SLC7A1: variants seen among roughly 807,000 people sequenced by gnomAD.
SLC7A1 encodes the protein solute carrier family 7 member 1.
In SLC7A1, 10 loss-of-function variants were observed where a neutral mutation model predicts 53.9. The observed-to-expected ratio is 0.19, with a 90% CI of 0.11 to 0.31. The LOEUF is 0.31. Ranked by LOEUF, SLC7A1 falls within the 10% of genes least tolerant of loss-of-function variation. The pLI is 1.00. For synonymous variants in SLC7A1, 342 were observed against 338.7 expected (o/e 1.01, Z -0.11); for missense variants, 525 against 827.2 (o/e 0.63, Z 4.48).
At chr13:29,561,368 G>A (rs919350574) in intron 1 of SLC7A1, among the ~76,000 whole-genome samples, 3 of 152,136 alleles carry the variant, frequency 2.0e-5, no homozygotes, top group East Asian at 3.9e-4. Context: ...TCAAGGCAGT[G>A]GGGAGAACTC....
intron 1 of SLC7A1, among the ~76,000 whole-genome samples, chr13:29,569,609 T>C (rs1013611665): frequency 1.3e-5 from 2 of 152,176 alleles, no homozygotes; most frequent in African/African-American, 4.8e-5. Context: ...ACCAGATTAA[T>C]CACCACTAGC....
chr13:29,577,053 C>T (rs1871441872), intron 1 of SLC7A1, among the ~76,000 whole-genome samples: 1 of 152,208 alleles, frequency 6.6e-6, no homozygotes, highest in African/African-American at 2.4e-5. Context: ...TTACAAATTG[C>T]TTTATCCAGA....
chr13:29,573,513 C>G (rs1184189159), intron 1 of SLC7A1, among the ~76,000 whole-genome samples: 2 of 152,208 alleles, frequency 1.3e-5, no homozygotes, highest in African/African-American at 4.8e-5. Flanking sequence ...GTGTCTGACT[C>G]TGTGTGTCTG....
intron 2 of SLC7A1, among the ~76,000 whole-genome samples, chr13:29,542,716 C>A (rs1869722201): frequency 6.6e-6 from 1 of 151,240 alleles, no homozygotes; most frequent in Admixed American, 6.6e-5. Flanking sequence ...GCTCCACGAC[C>A]ATAAGAAAAT....
chr13:29,536,121 C>T lies in SLC7A1; in HGVS notation c.68G>A (p.Arg23Gln), dbSNP rs200608225. ...MLRRKVVDCS[R>Q]EETRLSRCLN... ...GCAGCGAGACAGCCGCGTCTCCTCC[C>T]GGCTACAGTCCACCACCTTCCGCCG... is the stretch of plus-strand genomic sequence containing the variant. Residue 23 changes from arginine to glutamine, a missense_variant, in exon 3 of 13, where the codon CGG becomes CAG. Coordinates refer to ENST00000380752, the MANE Select transcript of SLC7A1 (RefSeq NM_003045.5). The T allele has an allele frequency of 2.7e-5, 44 of 1,614,020 alleles. No individual in the cohort carries two copies. The highest frequency in any genetic ancestry group is 3.3e-5 in the South Asian group (3 of 91,076).
chr13:29,572,870 A>T (rs1420037014), intron 1 of SLC7A1, among the ~76,000 whole-genome samples: 1 of 152,200 alleles, frequency 6.6e-6, no homozygotes, highest in Non-Finnish European at 1.5e-5. Flanking sequence ...CCAACTCAAC[A>T]TGGTAATCAA....
At chr13:29,544,877 G>T (rs1028621232) in intron 2 of SLC7A1, among the ~76,000 whole-genome samples, 6 of 150,646 alleles carry the variant, frequency 4.0e-5, no homozygotes, top group Non-Finnish European at 8.9e-5. Flanking sequence ...CGGGGGGGGG[G>T]GGCAAGCTCT....
At chr13:29,538,143 C>T (rs1444197599) in intron 2 of SLC7A1, among the ~76,000 whole-genome samples, 3 of 152,192 alleles carry the variant, frequency 2.0e-5, no homozygotes, top group Admixed American at 1.3e-4. Context: ...GATCCTATCC[C>T]TTTGTTACAT....
chr13:29,542,401 G>A (rs1869706194), intron 2 of SLC7A1, among the ~76,000 whole-genome samples: 1 of 152,144 alleles, frequency 6.6e-6, no homozygotes, highest in South Asian at 2.1e-4. Context: ...GTTACAGTGA[G>A]CCGAGATCAC....
rs1593543027 is a variant in SLC7A1 at position 29,524,342 on chromosome 13, C to A, written c.705-89G>T. 4.6e-6 allele frequency: 7 copies of A among 1,535,796 alleles called. No individual in the cohort carries two copies. In the South Asian group the frequency reaches 7.3e-5, roughly 16 times the overall value. ...TGCTCATCTCCTGATATGAGCGGAA[C>A]CTGGCAGTCAGCCCTCCCTGTTACC... On this transcript the variant is annotated intron_variant, in intron 5 of 12. Coordinates refer to ENST00000380752, the MANE Select transcript of SLC7A1 (RefSeq NM_003045.5).
intron 1 of SLC7A1, among the ~76,000 whole-genome samples, chr13:29,576,046 C>T (rs949442650): frequency 3.3e-5 from 5 of 151,472 alleles, no homozygotes; most frequent in Admixed American, 2.6e-4. Context: ...CTAGCACTCT[C>T]GGAGGCTGAA....
intron 2 of SLC7A1, among the ~76,000 whole-genome samples, chr13:29,544,657 C>G (rs1454430839): frequency 6.6e-6 from 1 of 152,152 alleles, no homozygotes; most frequent in Non-Finnish European, 1.5e-5. Flanking sequence ...CAAGGAACGT[C>G]CCCAAGGGCA....
At chr13:29,542,817 C>A (rs974169523) in intron 2 of SLC7A1, among the ~76,000 whole-genome samples, 6 of 141,804 alleles carry the variant, frequency 4.2e-5, no homozygotes, top group African/African-American at 7.5e-5. Flanking sequence ...AAAAAAAAAA[C>A]CAATCGTCCA....
intron 5 of SLC7A1, among the ~76,000 whole-genome samples, chr13:29,530,186 C>T (rs530720494): frequency 6.6e-6 from 1 of 152,280 alleles, no homozygotes; most frequent in South Asian, 2.1e-4. Context: ...CTTTTCTGAA[C>T]ACAAAATTCC....
chr13:29,519,082 C>T (rs528537600), intron 9 of SLC7A1, among the ~76,000 whole-genome samples: 6 of 152,314 alleles, frequency 3.9e-5, no homozygotes, highest in African/African-American at 1.2e-4. Flanking sequence ...TTCCTAACTC[C>T]TACCAGGGCA....
At chr13:29,587,580 G>T (rs953797097) in intron 1 of SLC7A1, among the ~76,000 whole-genome samples, 1 of 152,322 alleles carries the variant, frequency 6.6e-6, no homozygotes, top group East Asian at 1.9e-4. Flanking sequence ...CACGCTCCAG[G>T]CCCCATCCTT....
At chr13:29,524,755 C>T (rs1380301598) in intron 5 of SLC7A1, among the ~76,000 whole-genome samples, 1 of 152,206 alleles carries the variant, frequency 6.6e-6, no homozygotes, top group East Asian at 1.9e-4. Context: ...TGCCTGTATG[C>T]ACAAGGTGGA....
intron 1 of SLC7A1, among the ~76,000 whole-genome samples, chr13:29,577,706 G>A (rs972807689): frequency 1.3e-5 from 2 of 152,198 alleles, no homozygotes; most frequent in African/African-American, 4.8e-5. Flanking sequence ...CCTGTACTTG[G>A]ACGGCCAAGA....
chr13:29,530,825 C>T (rs1206099362), intron 4 of SLC7A1, 113 bp from the exon 5 acceptor site: 4 of 736,922 alleles, frequency 5.4e-6, no homozygotes, highest in Non-Finnish European at 9.0e-6. Flanking sequence ...TGCATCGAGC[C>T]TCTGCAGACC....
Sources: gnomAD v4.1 joint callset for allele counts (sites outside exome capture counted in the v4.1 genomes callset) on GRCh38, gnomAD v4.1.1 for gene constraint, MANE v1.5 for transcripts, NCBI Gene and HGNC (gene_info 2026-07-23, HGNC 2026-07-21) for gene names.